CCSER1: variants seen among roughly 807,000 people sequenced by gnomAD.
CCSER1 encodes serine-rich coiled-coil domain-containing protein 1.
CCSER1 carries 41 observed loss-of-function variants against 82.0 expected under a neutral mutation model. That is an observed-to-expected ratio of 0.50 (90% CI 0.39 to 0.65). The LOEUF (loss-of-function observed/expected upper bound fraction) is 0.65. Among genes scored for constraint, CCSER1 ranks in the 30% least tolerant of loss-of-function variants. CCSER1 has a pLI of 0.00. For synonymous variants in CCSER1, 414 were observed against 383.9 expected, an observed-to-expected ratio of 1.08 and a Z score of -0.92; for missense variants, 1,119 against 1,064.2, an observed-to-expected ratio of 1.05 and a Z score of -0.72.
intron 3 of CCSER1, among the ~76,000 whole-genome samples, chr4:90,350,901 G>T (rs527724678): frequency 6.6e-6 from 1 of 152,022 alleles, no homozygotes; most frequent in East Asian, 1.9e-4. Context: ...TTTTTAAAAA[G>T]AATTATACAA....
At chr4:91,312,489 C>T (rs182109071) in intron 10 of CCSER1, among the ~76,000 whole-genome samples, 145 of 151,834 alleles carry the variant, frequency 9.5e-4, no homozygotes, top group African/African-American at 3.1e-3. Context: ...TAGCATCATC[C>T]CTGCTTTCAT....
intron 7 of CCSER1, among the ~76,000 whole-genome samples, chr4:90,728,173 C>T: frequency 6.6e-6 from 1 of 152,192 alleles, no homozygotes; most frequent in East Asian, 1.9e-4. Flanking sequence ...TGGCACCACC[C>T]TCTCCAAGGT....
chr4:90,561,210 CT>C (rs1202076309), intron 5 of CCSER1, among the ~76,000 whole-genome samples: 1 of 152,184 alleles, frequency 6.6e-6, no homozygotes, highest in Non-Finnish European at 1.5e-5. Context: ...TTTCTATCTC[CT>C]GCCTCAACAC....
intron 1 of CCSER1, among the ~76,000 whole-genome samples, chr4:90,234,654 T>A (rs6849749): frequency 0.012 from 1,832 of 152,250 alleles, 40 homozygotes; most frequent in African/African-American, 0.042. Flanking sequence ...CATTATTGAG[T>A]CCCTATTATC....
intron 10 of CCSER1, among the ~76,000 whole-genome samples, chr4:91,369,139 T>A (rs1377712577): frequency 2.6e-5 from 4 of 152,204 alleles, no homozygotes; most frequent in African/African-American, 9.6e-5. Flanking sequence ...GACAATGGAA[T>A]GTGAATGGAT....
chr4:90,454,574 C>T lies in CCSER1; in HGVS notation c.1604-13660C>T, dbSNP rs553793860. Among the ~76,000 whole-genome samples the T allele has an allele frequency of 6.0e-4, 92 of 152,160 alleles. 1 individual carries two copies. In the Middle Eastern group the frequency reaches 0.01, roughly 17 times the overall value. On this transcript the variant is annotated intron_variant, in intron 4 of 10. Coordinates refer to ENST00000509176, the MANE Select transcript of CCSER1 (RefSeq NM_001145065.2). The stretch of plus-strand genomic sequence containing the variant: ...CCAGTATGCACACCTGAGAGTGTTT[C>T]CTCTTCCATTCTCCCATTTCATCAT...
At chr4:90,942,052 A>G (rs1192703338) in intron 9 of CCSER1, among the ~76,000 whole-genome samples, 1 of 151,984 alleles carries the variant, frequency 6.6e-6, no homozygotes, top group Non-Finnish European at 1.5e-5. Context: ...GGCTCAAGCC[A>G]TCCTCTGACC....
At chr4:90,633,428 G>A (rs1724821887) in intron 6 of CCSER1, among the ~76,000 whole-genome samples, 2 of 151,892 alleles carry the variant, frequency 1.3e-5, no homozygotes, top group African/African-American at 2.4e-5. Context: ...TCTATCAATG[G>A]TAGATATAAT....
At chr4:90,657,276 G>C (rs907042657) in intron 6 of CCSER1, among the ~76,000 whole-genome samples, 7 of 151,824 alleles carry the variant, frequency 4.6e-5, no homozygotes, top group Non-Finnish European at 8.8e-5. Flanking sequence ...TCATTTTCTG[G>C]CTTTATTCAA....
chr4:90,964,744 A>C (rs1037544297), intron 9 of CCSER1, among the ~76,000 whole-genome samples: 17 of 151,432 alleles, frequency 1.1e-4, no homozygotes, highest in South Asian at 6.3e-4. Context: ...AAAAAAAAAA[A>C]AAAAAAAAGC....
intron 9 of CCSER1, among the ~76,000 whole-genome samples, chr4:91,071,629 C>T (rs1485563198): frequency 2.0e-5 from 3 of 152,124 alleles, no homozygotes; most frequent in East Asian, 1.9e-4. Flanking sequence ...TTAATACTCT[C>T]TTTTTACCTA....
intron 9 of CCSER1, among the ~76,000 whole-genome samples, chr4:91,081,759 T>C (rs1722781818): frequency 6.6e-6 from 1 of 152,150 alleles, no homozygotes. Context: ...AGCATTCTTA[T>C]ACACCAATAA....
chr4:90,239,327 A>G (rs1449322759), intron 1 of CCSER1, among the ~76,000 whole-genome samples: 1 of 152,228 alleles, frequency 6.6e-6, no homozygotes, highest in Non-Finnish European at 1.5e-5. Flanking sequence ...TGATACTGAG[A>G]CATATACTGC....
At chr4:90,175,367 G>C (rs983850420) in intron 1 of CCSER1, among the ~76,000 whole-genome samples, 1 of 151,898 alleles carries the variant, frequency 6.6e-6, no homozygotes, top group Non-Finnish European at 1.5e-5. Context: ...TATGCTGGCC[G>C]GAAAAGATGG....
chr4:90,489,655 C>T (rs934999546), intron 5 of CCSER1, among the ~76,000 whole-genome samples: 7 of 152,064 alleles, frequency 4.6e-5, no homozygotes, highest in Admixed American at 2.0e-4. Flanking sequence ...TATTTCCTAA[C>T]GATATCCATC....
chr4:91,044,412 T>A (rs1742258554), intron 9 of CCSER1, among the ~76,000 whole-genome samples: 2 of 152,226 alleles, frequency 1.3e-5, no homozygotes, highest in African/African-American at 2.4e-5. Flanking sequence ...CACAAAATGT[T>A]CATAATTACA....
intron 10 of CCSER1, among the ~76,000 whole-genome samples, chr4:91,385,345 G>C (rs933715021): frequency 2.0e-5 from 3 of 151,952 alleles, no homozygotes; most frequent in African/African-American, 4.8e-5. Flanking sequence ...TTCCTTTTGA[G>C]TAATAAAGAG....
chr4:90,191,306 G>A (rs1003479936), intron 1 of CCSER1, among the ~76,000 whole-genome samples: 1 of 151,568 alleles, frequency 6.6e-6, no homozygotes, highest in Non-Finnish European at 1.5e-5. Context: ...GGGGGCGGGG[G>A]GTATAAAACC....
chr4:91,032,898 A>G (rs1315399784), intron 9 of CCSER1, among the ~76,000 whole-genome samples: 1 of 152,140 alleles, frequency 6.6e-6, no homozygotes, highest in African/African-American at 2.4e-5. Context: ...TTGGGACCAC[A>G]CTTGGTGAAC....
Sources: allele counts gnomAD v4.1 joint callset (sites outside exome capture counted in the v4.1 genomes callset), GRCh38; gene constraint gnomAD v4.1.1; transcripts MANE v1.5; gene names NCBI Gene and HGNC (gene_info 2026-07-23, HGNC 2026-07-21).